Variants in IQSEC1 observed in about 807,000 individuals in gnomAD.
IQSEC1 encodes IQ motif and Sec7 domain ArfGEF 1, also known as IQ motif and SEC7 domain-containing protein 1.
A neutral mutation model predicts 91.0 loss-of-function variants in IQSEC1; 31 were observed. That is an observed-to-expected ratio of 0.34 (90% CI 0.26 to 0.46). The LOEUF (loss-of-function observed/expected upper bound fraction) is 0.46, where lower values mean the gene tolerates loss of function less well. Ranked by LOEUF, IQSEC1 falls within the 20% of genes least tolerant of loss-of-function variation. The pLI is 1.00. For synonymous variants in IQSEC1, 699 were observed against 662.6 expected, an observed-to-expected ratio of 1.05 and a Z score of -0.84; for missense variants, 1,388 against 1,575.6, an observed-to-expected ratio of 0.88 and a Z score of 2.02.
chr3:13,101,948 G>T (rs555631195), intron 2 of IQSEC1, among the ~76,000 whole-genome samples: 18 of 151,002 alleles, frequency 1.2e-4, no homozygotes, highest in African/African-American at 3.6e-4. Context: ...GCAGGGGTGG[G>T]AGGGAGGGTG....
At chr3:13,022,177 G>C in intron 1 of IQSEC1, 2 of 1,231,556 alleles carry the variant, frequency 1.6e-6, no homozygotes, top group Non-Finnish European at 2.0e-6. Flanking sequence ...CTCCTGGCCA[G>C]GGAACGGCTC....
chr3:13,163,532 A>AG (rs5846801), intron 2 of IQSEC1, among the ~76,000 whole-genome samples: 135,866 of 152,100 alleles, frequency 0.89, 60,873 homozygotes, highest in East Asian at 0.96. Context: ...CTGACACCCC[A>AG]GGTACTGTCT....
At chr3:13,184,361 C>G (rs765810013) in intron 1 of IQSEC1, among the ~76,000 whole-genome samples, 4 of 152,172 alleles carry the variant, frequency 2.6e-5, no homozygotes, top group Non-Finnish European at 5.9e-5. Flanking sequence ...AGAAAAATTA[C>G]ATGATCATGT....
At chr3:13,090,605 G>A (rs1483632201) in intron 2 of IQSEC1, among the ~76,000 whole-genome samples, 34 of 152,200 alleles carry the variant, frequency 2.2e-4, no homozygotes, top group Admixed American at 2.0e-3. Context: ...TGCAGGGGCA[G>A]GTCCTGGTAG....
At chr3:13,238,997 C>T (rs1694977218) in intron 1 of IQSEC1, among the ~76,000 whole-genome samples, 1 of 152,082 alleles carries the variant, frequency 6.6e-6, no homozygotes, top group Non-Finnish European at 1.5e-5. Context: ...TCGACACGCC[C>T]ACCAGCCTTT....
chr3:13,258,762 A>G (rs1369462494), intron 1 of IQSEC1, among the ~76,000 whole-genome samples: 3 of 152,230 alleles, frequency 2.0e-5, no homozygotes, highest in Non-Finnish European at 2.9e-5. Flanking sequence ...GCAGCCAGTG[A>G]GGAGCACAAC....
chr3:12,920,489 C>T lies in IQSEC1; in HGVS notation c.1961G>A (p.Ser654Asn). The T allele has an allele frequency of 6.2e-7, 1 of 1,614,194 alleles. No homozygotes were observed. The highest frequency in any genetic ancestry group is 2.2e-5 in the East Asian group (1 of 44,884). Residue 654 changes from serine (S) to asparagine (N), a missense_variant, in exon 6 of 14, where the codon AGC (serine) becomes AAC (asparagine). Physicochemically the swap from Ser to Asn is conservative, Grantham distance 46 (BLOSUM62 1). Around this residue, in one of 2 missense-constraint regions of IQSEC1, gnomAD observed 1,059 missense variants for 1,317.8 expected, o/e 0.80. Transcript: ENST00000613206. ...AIILLNTDMY[S>N]PNVKPERKMK... Reference sequence around the variant, plus strand: ...TTTCCGCTCGGGCTTGACATTGGGGCTGTACATGTCGGTGTTCAGCAGGAT... The same window carrying T: ...TTTCCGCTCGGGCTTGACATTGGGGTTGTACATGTCGGTGTTCAGCAGGAT...
At chr3:13,271,791 T>C (rs1041848124) in intron 1 of IQSEC1, among the ~76,000 whole-genome samples, 2 of 152,068 alleles carry the variant, frequency 1.3e-5, no homozygotes, top group African/African-American at 4.8e-5. Context: ...CAAGACCCTT[T>C]CTCAAAAAAA....
chr3:12,967,319 C>T lies in IQSEC1; in HGVS notation c.24-25454G>A. The T allele has an allele frequency of 5.1e-6, 7 of 1,375,142 alleles. No homozygotes were observed. The highest frequency in any genetic ancestry group is 5.9e-6 in the Non-Finnish European group (6 of 1,012,096). The allele number at this position is 1,375,142 out of a possible 1,614,324, so 85.2% of individuals were successfully genotyped here. ...GTCACCCGCACTCCCGCACAGGCAT[C>T]CCCACAGCCTGCGCCAGCCCACCGC... is the stretch of plus-strand genomic sequence containing the variant. On this transcript the variant is annotated intron_variant, in intron 1 of 13. Transcript: ENST00000613206. This position sits in a 1 kb window ranked among gnomAD's most constrained non-coding sequence, Gnocchi z 5.9.
At chr3:13,250,493 A>C in intron 1 of IQSEC1, among the ~76,000 whole-genome samples, 1 of 142,636 alleles carries the variant, frequency 7.0e-6, no homozygotes, top group African/African-American at 2.7e-5. Context: ...ATCTTGGCTC[A>C]CTTCAACCTC....
intron 3 of IQSEC1, among the ~76,000 whole-genome samples, chr3:12,925,517 G>A (rs900179043): frequency 9.8e-5 from 15 of 152,310 alleles, no homozygotes; most frequent in African/African-American, 3.4e-4. Context: ...AGTAAGCACC[G>A]TAAGAGGTTT....
At chr3:13,068,694 G>A (rs1030368981) in intron 1 of IQSEC1, among the ~76,000 whole-genome samples, 1 of 152,130 alleles carries the variant, frequency 6.6e-6, no homozygotes, top group Non-Finnish European at 1.5e-5. Context: ...ATCCTGTCAA[G>A]CATGCCCTCA....
intron 1 of IQSEC1, chr3:13,015,561 A>G (rs998418143): frequency 2.0e-6 from 2 of 985,228 alleles, no homozygotes; most frequent in African/African-American, 3.5e-5. Context: ...TCCCCGGGCC[A>G]GGTGGGTGGT....
intron 2 of IQSEC1, among the ~76,000 whole-genome samples, chr3:13,091,111 C>T (rs541484183): frequency 6.6e-6 from 1 of 152,316 alleles, no homozygotes; most frequent in African/African-American, 2.4e-5. Context: ...AAAGACTTCT[C>T]GTCACTCCGG....
intron 2 of IQSEC1, among the ~76,000 whole-genome samples, chr3:13,131,043 AGG>A (rs1706607400): frequency 1.4e-5 from 2 of 144,480 alleles, no homozygotes; most frequent in African/African-American, 5.6e-5. Flanking sequence ...AAGGAAAGGA[AGG>A]AAGGAAGGAA....
intron 1 of IQSEC1, among the ~76,000 whole-genome samples, chr3:12,953,688 G>A (rs1288196602): frequency 1.3e-5 from 2 of 152,202 alleles, no homozygotes; most frequent in Non-Finnish European, 1.5e-5. Flanking sequence ...CATGAAGGAA[G>A]ATGCAGTTTT....
At position 12,899,352 on chromosome 3, in the gene IQSEC1, T is replaced by C. The variant is rs562372153; in HGVS notation, c.*1631A>G. ...CGCCCTTTCTGAAAGGGCCTCCGCC[T>C]GGGCAGGCGCCGGGGGGCAGTCCTC... On this transcript the variant is annotated 3_prime_UTR_variant, in exon 14 of 14. Transcript: ENST00000613206. 3.1e-6 allele frequency: 5 copies of C among 1,609,898 alleles called. No individual in the cohort carries two copies. Among genetic ancestry groups the C allele is most frequent in the East Asian group, 2.2e-5 (1 of 44,828 alleles).
At chr3:12,921,110 C>A (rs1011921627) in intron 5 of IQSEC1, among the ~76,000 whole-genome samples, 1 of 152,132 alleles carries the variant, frequency 6.6e-6, no homozygotes. Context: ...GCAAGAACAC[C>A]CCCCTGCCTT....
chr3:13,100,172 G>C (rs1706033139), intron 2 of IQSEC1, among the ~76,000 whole-genome samples: 2 of 147,932 alleles, frequency 1.4e-5, no homozygotes, highest in Non-Finnish European at 3.0e-5. Flanking sequence ...AGACTCCGTG[G>C]TCCTAACCCC....
Sources: allele counts gnomAD v4.1 joint callset (sites outside exome capture counted in the v4.1 genomes callset), GRCh38; gene constraint gnomAD v4.1.1; regional missense constraint gnomAD v4.1.1; non-coding constraint Gnocchi (gnomAD v3.1); transcripts MANE v1.5; gene names NCBI Gene and HGNC (gene_info 2026-07-23, HGNC 2026-07-21).